DIAPH1: variants seen among roughly 807,000 people sequenced by gnomAD.
DIAPH1 encodes the protein diaphanous related formin 1.
In DIAPH1, 46 loss-of-function variants were observed where a neutral mutation model predicts 140.7. That is an observed-to-expected ratio of 0.33 (90% CI 0.26 to 0.42). The LOEUF (loss-of-function observed/expected upper bound fraction) is 0.42. Among genes scored for constraint, DIAPH1 ranks in the 10% least tolerant of loss-of-function variants. The pLI is 1.00. For synonymous variants in DIAPH1, 565 were observed against 551.6 expected (o/e 1.02, Z -0.34); for missense variants, 1,310 against 1,558.7 (o/e 0.84, Z 2.69).
chr5:141,540,428 G>A (rs1428731038), intron 18 of DIAPH1, among the ~76,000 whole-genome samples: 3 of 151,896 alleles, frequency 2.0e-5, no homozygotes, highest in Non-Finnish European at 4.4e-5. Flanking sequence ...GACTACAGGC[G>A]CCTGCCACAC....
Position 141,574,033 on chromosome 5 carries a change from G to A in DIAPH1, c.1817C>T (p.Thr606Ile). 2 of 1,576,210 alleles carry A rather than the reference G, an allele frequency of 1.3e-6. No individual in the cohort carries two copies. Among genetic ancestry groups the A allele is most frequent in the Non-Finnish European group, 8.6e-7 (1 of 1,160,606 alleles). The part of the protein sequence containing the change: ...IPPPPAPGDS[T>I]TPPPPPPPPP... ...AGGAGGAGGAGGAGGAGGAGGAGTGGTACTATCCCCAGGAGCAGGTGGTGG... is the reference window on the plus strand; with the variant it reads ...AGGAGGAGGAGGAGGAGGAGGAGTGATACTATCCCCAGGAGCAGGTGGTGG... The change falls in exon 16 of 28, where the codon ACC (threonine) becomes ATC (isoleucine). Residue 606 changes from threonine (T) to isoleucine (I), a missense_variant. Around this residue, in one of 3 missense-constraint regions of DIAPH1, gnomAD observed 589 missense variants for 549.3 expected, o/e 1.07. Transcript: ENST00000389054.
chr5:141,538,490 T>C (rs1029774066), intron 18 of DIAPH1, among the ~76,000 whole-genome samples: 1 of 152,120 alleles, frequency 6.6e-6, no homozygotes, highest in Non-Finnish European at 1.5e-5. Context: ...GTAACTGGGA[T>C]TATAGGTACC....
intron 8 of DIAPH1, 52 bp from the exon 9 acceptor site, chr5:141,579,248 C>G: frequency 7.5e-7 from 1 of 1,340,778 alleles, no homozygotes; most frequent in Non-Finnish European, 1.1e-6. Context: ...GTGACACGGA[C>G]ACGTATAATG....
intron 19 of DIAPH1, among the ~76,000 whole-genome samples, chr5:141,531,540 T>C (rs1467838566): frequency 1.3e-5 from 2 of 152,168 alleles, no homozygotes; most frequent in Non-Finnish European, 2.9e-5. Context: ...CAGGCTGGTG[T>C]GCAACGGCAT....
chr5:141,571,568 C>A, intron 17 of DIAPH1, 132 bp from the exon 18 acceptor site: 1 of 773,974 alleles, frequency 1.3e-6, no homozygotes, highest in Non-Finnish European at 2.2e-6. Flanking sequence ...AAGACTCTTT[C>A]CAACCCTTAT....
chr5:141,591,598 T>A (rs1293999207), intron 1 of DIAPH1, among the ~76,000 whole-genome samples: 2 of 149,622 alleles, frequency 1.3e-5, no homozygotes, highest in East Asian at 3.9e-4. Context: ...ACTCCAAAGC[T>A]GCCAAATCTT....
At chr5:141,566,972 C>T (rs576473221) in intron 18 of DIAPH1, among the ~76,000 whole-genome samples, 1 of 152,174 alleles carries the variant, frequency 6.6e-6, no homozygotes, top group South Asian at 2.1e-4. Context: ...GAGAGAAAAC[C>T]AGGTTTCCAG....
chr5:141,518,312 GAAAAAA>G (rs55840265), intron 27 of DIAPH1, among the ~76,000 whole-genome samples: 1 of 115,334 alleles, frequency 8.7e-6, no homozygotes, highest in Non-Finnish European at 1.8e-5. Flanking sequence ...AGCTCAATTG[GAAAAAA>G]AAAAAAAAAA....
At chr5:141,547,446 CAG>C (rs1491271984) in intron 18 of DIAPH1, among the ~76,000 whole-genome samples, 1 of 150,680 alleles carries the variant, frequency 6.6e-6, no homozygotes, top group Non-Finnish European at 1.5e-5. Context: ...GCCTGGGCGA[CAG>C]AGACTCCGCC....
In DIAPH1 at chr5:141,528,548, G is replaced by A; in HGVS notation, c.3053C>T (p.Thr1018Met). ...RDTKSTDQKMTLLHFLAELCE... is the reference protein window; with the variant it reads ...RDTKSTDQKMMLLHFLAELCE... ...CAACTCAGCCAAGAAGTGTAACAAC[G>A]TCATCTTCTGATCTGTGGACTTGGT... Residue 1018 changes from threonine to methionine, a missense_variant, in exon 23 of 28, where the codon ACG becomes ATG. This residue lies in a region of DIAPH1 where 344 missense variants were observed against 512.2 expected (regional missense o/e 0.67). Transcript: ENST00000389054. 1 of 1,614,172 alleles carries A rather than the reference G, an allele frequency of 6.2e-7. No homozygotes were observed. Among genetic ancestry groups the A allele is most frequent in the Non-Finnish European group, 8.5e-7 (1 of 1,180,028 alleles).
At chr5:141,611,432 G>A (rs1204547471) in intron 1 of DIAPH1, among the ~76,000 whole-genome samples, 6 of 152,112 alleles carry the variant, frequency 3.9e-5, no homozygotes, top group Admixed American at 1.3e-4. Flanking sequence ...GGTGACACAC[G>A]CCTGTAGTCC....
chr5:141,607,106 A>C (rs1452663183), intron 1 of DIAPH1, among the ~76,000 whole-genome samples: 1 of 152,196 alleles, frequency 6.6e-6, no homozygotes, highest in Non-Finnish European at 1.5e-5. Flanking sequence ...AAACCTTACA[A>C]TCTAGATGGG....
intron 1 of DIAPH1, among the ~76,000 whole-genome samples, chr5:141,605,511 A>G (rs1196581216): frequency 2.0e-5 from 3 of 152,228 alleles, no homozygotes; most frequent in Non-Finnish European, 2.9e-5. Context: ...GCCTATCAGT[A>G]TTTACTCTTC....
intron 18 of DIAPH1, among the ~76,000 whole-genome samples, chr5:141,540,656 T>C (rs1252032129): frequency 1.3e-5 from 2 of 151,082 alleles, no homozygotes; most frequent in Non-Finnish European, 2.9e-5. Context: ...CCTCAGGGGA[T>C]CCACTCACCT....
intron 16 of DIAPH1, among the ~76,000 whole-genome samples, chr5:141,572,476 C>G (rs2099895333): frequency 1.3e-5 from 2 of 152,158 alleles, no homozygotes; most frequent in Admixed American, 1.3e-4. Context: ...GCATCTCAAA[C>G]ACATCATGGG....
chr5:141,602,585 C>T (rs1344363294), intron 1 of DIAPH1, among the ~76,000 whole-genome samples: 2 of 152,178 alleles, frequency 1.3e-5, no homozygotes, highest in African/African-American at 4.8e-5. Flanking sequence ...AAATCGACCA[C>T]AGTTTCAGTC....
chr5:141,576,923 C>A, intron 12 of DIAPH1, 52 bp from the exon 13 acceptor site: 1 of 1,149,448 alleles, frequency 8.7e-7, no homozygotes, highest in South Asian at 1.2e-5. Context: ...ATATAATTTT[C>A]AGAAGTATTC....
At chr5:141,595,416 G>C (rs2099899156) in intron 1 of DIAPH1, among the ~76,000 whole-genome samples, 1 of 152,144 alleles carries the variant, frequency 6.6e-6, no homozygotes, top group Admixed American at 6.5e-5. Flanking sequence ...GATATGGTTT[G>C]GCTCTGTGTC....
chr5:141,535,656 T>C (rs939439066), intron 18 of DIAPH1, among the ~76,000 whole-genome samples: 1 of 152,206 alleles, frequency 6.6e-6, no homozygotes, highest in Non-Finnish European at 1.5e-5. Context: ...CTCTAAAAAA[T>C]GGTTGATGCT....
Sources: gnomAD v4.1 joint callset for allele counts (sites outside exome capture counted in the v4.1 genomes callset) on GRCh38, gnomAD v4.1.1 for gene constraint, gnomAD v4.1.1 regional missense constraint, MANE v1.5 for transcripts, NCBI Gene and HGNC (gene_info 2026-07-23, HGNC 2026-07-21) for gene names.